The following LIFR variants were observed in gnomAD, a reference collection of about 807,000 sequenced individuals.
LIFR encodes the protein leukemia inhibitory factor receptor.
In LIFR, 84 loss-of-function variants were observed where a neutral mutation model predicts 122.2. That is an observed-to-expected ratio of 0.69 (90% confidence interval 0.58 to 0.82). The LOEUF (loss-of-function observed/expected upper bound fraction) is 0.82. Ranked by LOEUF, LIFR falls within the 40% of genes least tolerant of loss-of-function variation. The probability of loss-of-function intolerance (pLI) is 0.00; values close to 1 mark genes in which losing one functional copy is unlikely to be tolerated. For synonymous variants in LIFR, 422 were observed against 434.7 expected (o/e 0.97, Z 0.36); for missense variants, 1,294 against 1,311.6 (o/e 0.99, Z 0.21).
At chr5:38,489,830 C>CA (rs35145667) in intron 15 of LIFR, among the ~76,000 whole-genome samples, 43,774 of 116,726 alleles carry the variant, frequency 0.38, 7,771 homozygotes, top group East Asian at 0.64. Flanking sequence ...CTCATCTCTA[C>CA]AAAAAAAAAA....
At position 38,567,654 on chromosome 5, in the gene LIFR, A is replaced by G. The variant is rs528892811; in HGVS notation, c.-20+27607T>C. On this transcript the variant is annotated intron_variant, in intron 1 of 19. Transcript: ENST00000263409. ...AGCAATTCTCCTACCTCAGCCTCCC[A>G]AATAGCTGGGACTACAGGGGCATGC... 3.3e-5 allele frequency among the ~76,000 whole-genome samples: 5 copies of G among 151,872 alleles called. No individual in the cohort carries two copies. The South Asian group carries it at 8.3e-4, about 25-fold the overall frequency.
chr5:38,515,455 CA>C (rs558683267), intron 5 of LIFR, among the ~76,000 whole-genome samples: 5 of 151,832 alleles, frequency 3.3e-5, no homozygotes, highest in South Asian at 2.1e-4. Context: ...GAAATAAACA[CA>C]AAAAAACAAG....
chr5:38,503,847 T>C lies in LIFR; in HGVS notation c.1437+129A>G, dbSNP rs1561151256. 6 of 712,410 alleles carry C rather than the reference T, an allele frequency of 8.4e-6. No individual in the cohort carries two copies. In the East Asian group the frequency reaches 1.5e-4, roughly 18 times the overall value. 44.1% of individuals were successfully genotyped at this position (712,410 alleles called of 1,614,324 possible). ...TGCTGTTATTACATGGATAGTAATG[T>C]CTTTCTTGGTTCTTAGTAAATCTCT... On this transcript the variant is annotated intron_variant, in intron 10 of 19. Transcript: ENST00000453190.
Position 38,481,517 on chromosome 5 carries a change from G to T in LIFR, c.*78C>A. On this transcript the variant is annotated 3_prime_UTR_variant, in exon 20 of 20. Transcript: ENST00000453190. ...ACAATACTTCACAGGATCCCTCCAA[G>T]AATGCCCAGTGCTGATGTAGCAACA... 2 of 1,435,548 alleles carry T rather than the reference G, an allele frequency of 1.4e-6. No homozygotes were observed. The highest frequency in any genetic ancestry group is 1.2e-5 in the South Asian group (1 of 86,798). 88.9% of individuals were successfully genotyped at this position (1,435,548 alleles called of 1,614,324 possible).
intron 11 of LIFR, among the ~76,000 whole-genome samples, chr5:38,501,476 G>A (rs577727079): frequency 2.6e-5 from 4 of 152,072 alleles, no homozygotes; most frequent in South Asian, 2.1e-4. Flanking sequence ...TATTTCGGCC[G>A]GGCACAGTGG....
intron 13 of LIFR, among the ~76,000 whole-genome samples, chr5:38,494,904 A>G (rs1267944845): frequency 6.6e-6 from 1 of 152,262 alleles, no homozygotes; most frequent in East Asian, 1.9e-4. Flanking sequence ...ACTAATAGCT[A>G]TAACTGATTT....
In LIFR at chr5:38,476,755, G is replaced by A. The variant is rs754738153; in HGVS notation, c.*4840C>T. ...AGAGCTTTTGATGTACTGTTTCTAC[G>A]GTTCTTTAGGCACTTACACATAAAA... On this transcript the variant is annotated 3_prime_UTR_variant, in exon 20 of 20. Coordinates refer to ENST00000453190, the MANE Select transcript of LIFR (RefSeq NM_001127671.2). 1.4e-4 allele frequency: 29 copies of A among 209,326 alleles called. No individual in the cohort carries two copies. The highest frequency in any genetic ancestry group is 2.3e-4 in the Non-Finnish European group (24 of 103,290). 13.0% of individuals were successfully genotyped at this position (209,326 alleles called of 1,614,324 possible). A position where few individuals can be genotyped will look rare whatever the true frequency, so the allele number is the denominator to read the frequency against.
intron 2 of LIFR, among the ~76,000 whole-genome samples, chr5:38,603,670 T>A (rs545212710): frequency 5.4e-4 from 81 of 150,920 alleles, no homozygotes; most frequent in African/African-American, 1.9e-3. Context: ...TGGAAAAAAA[T>A]GATCTCCATC....
chr5:38,594,359 G>T (rs1463532589), intron 1 of LIFR, among the ~76,000 whole-genome samples: 2 of 152,100 alleles, frequency 1.3e-5, no homozygotes, highest in Admixed American at 1.3e-4. Flanking sequence ...TACTATAACG[G>T]TGCATATATG....
chr5:38,484,374 G>T (rs953284763), intron 18 of LIFR, among the ~76,000 whole-genome samples: 5 of 152,190 alleles, frequency 3.3e-5, no homozygotes, highest in African/African-American at 4.8e-5. Flanking sequence ...CATGGAAGAG[G>T]TCATTCATAT....
At chr5:38,521,340 C>CT (rs1471006214) in intron 5 of LIFR, among the ~76,000 whole-genome samples, 1 of 152,112 alleles carries the variant, frequency 6.6e-6, no homozygotes, top group Admixed American at 6.5e-5. Flanking sequence ...TTACACTTTT[C>CT]TAGATACAAG....
At chr5:38,573,431 T>A (rs1749279676) in intron 1 of LIFR, among the ~76,000 whole-genome samples, 1 of 152,220 alleles carries the variant, frequency 6.6e-6, no homozygotes, top group South Asian at 2.1e-4. Context: ...CTGTTACATA[T>A]TACCATATTA....
intron 16 of LIFR, among the ~76,000 whole-genome samples, chr5:38,488,271 T>C (rs1729407773): frequency 6.6e-6 from 1 of 152,198 alleles, no homozygotes; most frequent in African/African-American, 2.4e-5. Context: ...ACACACTTTC[T>C]GCAGGTGTTC....
chr5:38,590,554 A>C (rs1354018011), intron 1 of LIFR, among the ~76,000 whole-genome samples: 1 of 152,346 alleles, frequency 6.6e-6, no homozygotes, highest in South Asian at 2.1e-4. Context: ...TACTGTTTCA[A>C]TGATGACCGT....
intron 14 of LIFR, 96 bp downstream of exon 14, chr5:38,493,510 A>T: frequency 8.5e-7 from 1 of 1,172,380 alleles, no homozygotes; most frequent in Non-Finnish European, 1.3e-6. Flanking sequence ...ATACCCATCC[A>T]GCAGTAAAGA....
chr5:38,512,716 A>T (rs1745867186), intron 5 of LIFR, among the ~76,000 whole-genome samples: 1 of 152,084 alleles, frequency 6.6e-6, no homozygotes, highest in Admixed American at 6.6e-5. Context: ...TCCTTTGAGC[A>T]TCATGGTGGT....
Position 38,474,768 on chromosome 5 carries a change from T to C in LIFR, c.*6827A>G, listed in dbSNP as rs1743651990. Among the ~76,000 whole-genome samples the C allele has an allele frequency of 6.6e-6, 1 of 152,184 alleles. No individual in the cohort carries two copies. The highest frequency in any genetic ancestry group is 1.5e-5 in the Non-Finnish European group (1 of 68,020). On this transcript the variant is annotated 3_prime_UTR_variant, in exon 20 of 20. Coordinates refer to ENST00000453190, the MANE Select transcript of LIFR (RefSeq NM_001127671.2). ...TCTCAGGTAAACAATAATGACTTAATGGACAGATGGATGTTACACCAATGG... is the reference window on the plus strand; with the variant it reads ...TCTCAGGTAAACAATAATGACTTAACGGACAGATGGATGTTACACCAATGG...
At chr5:38,556,839 A>G (rs1230234279), upstream of LIFR, 1 of 150,366 alleles carries the variant, frequency 6.7e-6, no homozygotes, top group Non-Finnish European at 1.5e-5. Flanking sequence ...CGGGCCCCGG[A>G]CGCCGAGGGT....
intron 9 of LIFR, among the ~76,000 whole-genome samples, chr5:38,505,319 G>A (rs1023186974): frequency 2.0e-5 from 3 of 151,954 alleles, no homozygotes; most frequent in Non-Finnish European, 4.4e-5. Context: ...ACATGAGCAA[G>A]TTCCTTTGTA....
Sources: allele counts gnomAD v4.1 joint callset (sites outside exome capture counted in the v4.1 genomes callset), GRCh38; gene constraint gnomAD v4.1.1; transcripts MANE v1.5; gene names NCBI Gene and HGNC (gene_info 2026-07-23, HGNC 2026-07-21).